NLGN1: variants seen among roughly 807,000 people sequenced by gnomAD.
The protein encoded by NLGN1 is neuroligin-1.
In NLGN1, 12 loss-of-function variants were observed where a neutral mutation model predicts 65.5. That is an observed-to-expected ratio of 0.18 (90% confidence interval 0.12 to 0.30). The LOEUF (loss-of-function observed/expected upper bound fraction) is 0.30, where lower values mean the gene tolerates loss of function less well. Among genes scored for constraint, NLGN1 ranks in the 10% least tolerant of loss-of-function variants. The pLI is 1.00. For synonymous variants in NLGN1, 350 were observed against 359.5 expected (o/e 0.97, Z 0.30); for missense variants, 750 against 1,007.1 (o/e 0.74, Z 3.46).
chr3:174,279,064 G>T lies in NLGN1; in HGVS notation c.1063G>T (p.Ala355Ser), dbSNP rs917365372. The stretch of plus-strand genomic sequence containing the variant: ...TATTCAACCAGCTCGATACCACATA[G>T]CCTTTGGACCTGTGATTGATGGTGA... The change falls in exon 6 of 7, where the codon GCC (alanine) becomes TCC (serine). Residue 355 changes from alanine to serine, a missense_variant. Coordinates refer to ENST00000457714, the Ensembl canonical transcript of NLGN1. The surrounding 1 kb of genome is among the most constrained non-coding windows in gnomAD (Gnocchi z 4.7). 1.9e-6 allele frequency: 3 copies of T among 1,613,002 alleles called. No individual in the cohort carries two copies. The highest frequency in any genetic ancestry group is 2.5e-6 in the Non-Finnish European group (3 of 1,179,360).
At position 173,519,749 on chromosome 3, in the gene NLGN1, T is replaced by C. The variant is rs137901670; in HGVS notation, c.-320-84530T>C. 2.0e-5 allele frequency among the ~76,000 whole-genome samples: 3 copies of C among 152,248 alleles called. No homozygotes were observed. The East Asian group carries it at 5.8e-4, about 29-fold the overall frequency. ...TTTACACCCTTTTAAGTGACTTTCCTTATCTCAGATGAGAGTTTGGACTTT... is the reference window on the plus strand; with the variant it reads ...TTTACACCCTTTTAAGTGACTTTCCCTATCTCAGATGAGAGTTTGGACTTT... On this transcript the variant is annotated intron_variant, in intron 2 of 6. Transcript: ENST00000457714.
intron 4 of NLGN1, among the ~76,000 whole-genome samples, chr3:173,879,880 A>C (rs1732891006): frequency 6.6e-6 from 1 of 152,180 alleles, no homozygotes; most frequent in Admixed American, 6.5e-5. Context: ...ACAAAATTTC[A>C]TGTAAATGAA....
chr3:173,468,690 G>A (rs1234300547), intron 2 of NLGN1, among the ~76,000 whole-genome samples: 2 of 152,000 alleles, frequency 1.3e-5, no homozygotes, highest in South Asian at 4.1e-4. Flanking sequence ...CCTGGACCAG[G>A]TCTTCTTTGG....
intron 4 of NLGN1, among the ~76,000 whole-genome samples, chr3:173,820,473 C>G (rs1326921479): frequency 6.6e-6 from 1 of 152,112 alleles, no homozygotes. Flanking sequence ...ATGCAGTAAT[C>G]CCCCCTTATC....
At chr3:173,507,609 A>AT (rs1036947703) in intron 2 of NLGN1, among the ~76,000 whole-genome samples, 2 of 152,014 alleles carry the variant, frequency 1.3e-5, no homozygotes, top group African/African-American at 4.8e-5. Flanking sequence ...TAAATGTAGA[A>AT]TTTTTTATAT....
intron 4 of NLGN1, among the ~76,000 whole-genome samples, chr3:173,843,340 T>G (rs577614275): frequency 6.6e-6 from 1 of 152,352 alleles, no homozygotes; most frequent in Admixed American, 6.5e-5. Flanking sequence ...GGATTAGCAT[T>G]CAGCTCCTGG....
intron 4 of NLGN1, among the ~76,000 whole-genome samples, chr3:173,825,615 A>G (rs958518110): frequency 6.6e-6 from 1 of 152,090 alleles, no homozygotes; most frequent in Non-Finnish European, 1.5e-5. Context: ...GTGGAAGCTT[A>G]CCTCTATTTA....
At chr3:173,648,832 C>T (rs1758689655) in intron 3 of NLGN1, among the ~76,000 whole-genome samples, 2 of 152,152 alleles carry the variant, frequency 1.3e-5, no homozygotes, top group Admixed American at 6.5e-5. Flanking sequence ...ACCTTGGCAT[C>T]CCAAAGTGCT....
At chr3:173,504,863 TA>T (rs759986581) in intron 2 of NLGN1, among the ~76,000 whole-genome samples, 5 of 152,078 alleles carry the variant, frequency 3.3e-5, no homozygotes, top group Admixed American at 6.6e-5. Flanking sequence ...CTTGTCCTCT[TA>T]AGTCTATTTC....
intron 1 of NLGN1, among the ~76,000 whole-genome samples, chr3:173,406,189 TG>T (rs1319340152): frequency 2.0e-5 from 3 of 151,888 alleles, no homozygotes; most frequent in African/African-American, 7.2e-5. Flanking sequence ...TCAAATATAC[TG>T]GATGAGAAAG....
chr3:173,956,401 C>T (rs577135876), intron 4 of NLGN1, among the ~76,000 whole-genome samples: 1 of 152,200 alleles, frequency 6.6e-6, no homozygotes, highest in Non-Finnish European at 1.5e-5. Context: ...CTTCCTCTTC[C>T]TCCTTCTTCC....
chr3:173,821,999 T>C (rs912642566), intron 4 of NLGN1, among the ~76,000 whole-genome samples: 7 of 152,128 alleles, frequency 4.6e-5, no homozygotes, highest in African/African-American at 1.4e-4. Context: ...AGTTGATGAA[T>C]TGAAACTCTG....
chr3:173,452,858 C>T (rs188826803), intron 2 of NLGN1, among the ~76,000 whole-genome samples: 9 of 152,154 alleles, frequency 5.9e-5, no homozygotes, highest in African/African-American at 2.2e-4. Flanking sequence ...TTTGGTTTCC[C>T]AATACATATA....
chr3:173,921,194 A>AGATAT, intron 4 of NLGN1, among the ~76,000 whole-genome samples: 1 of 146,132 alleles, frequency 6.8e-6, no homozygotes, highest in African/African-American at 2.5e-5. Flanking sequence ...TATATACAAT[A>AGATAT]TATATGTAGT....
At chr3:174,235,664 T>C (rs1467690564) in intron 4 of NLGN1, among the ~76,000 whole-genome samples, 4 of 152,162 alleles carry the variant, frequency 2.6e-5, no homozygotes, top group Non-Finnish European at 5.9e-5. Flanking sequence ...TGTTTGTGAT[T>C]ACAAATAGGA....
chr3:174,239,793 A>T (rs757711101), intron 4 of NLGN1, among the ~76,000 whole-genome samples: 10 of 152,214 alleles, frequency 6.6e-5, no homozygotes, highest in Non-Finnish European at 1.5e-4. Context: ...GAGTAGGACC[A>T]AGAACAAGTC....
chr3:173,437,066 G>T (rs1718271331), intron 2 of NLGN1, among the ~76,000 whole-genome samples: 1 of 152,170 alleles, frequency 6.6e-6, no homozygotes, highest in South Asian at 2.1e-4. Flanking sequence ...TCAGACATTA[G>T]CAATAAGAAG....
intron 4 of NLGN1, among the ~76,000 whole-genome samples, chr3:174,208,057 C>G (rs1735764352): frequency 6.6e-6 from 1 of 152,180 alleles, no homozygotes; most frequent in Non-Finnish European, 1.5e-5. Flanking sequence ...AACAGAGACT[C>G]CTTAAGAATG....
At chr3:173,432,739 A>G (rs1427017458) in intron 1 of NLGN1, among the ~76,000 whole-genome samples, 1 of 151,980 alleles carries the variant, frequency 6.6e-6, no homozygotes, top group Admixed American at 6.6e-5. Context: ...CAGCTTATCA[A>G]CTATTTCTTT....
Sources: allele counts gnomAD v4.1 joint callset (sites outside exome capture counted in the v4.1 genomes callset), GRCh38; gene constraint gnomAD v4.1.1; non-coding constraint Gnocchi (gnomAD v3.1); transcripts MANE v1.5; gene names NCBI Gene and HGNC (gene_info 2026-07-23, HGNC 2026-07-21).